The following SORCS3 variants were observed in gnomAD, a reference collection of about 807,000 sequenced individuals.
SORCS3 encodes the protein sortilin related VPS10 domain containing receptor 3.
SORCS3 carries 57 observed loss-of-function variants against 146.3 expected under a neutral mutation model. The ratio of observed to expected loss-of-function variants is 0.39; its 90% confidence interval spans 0.31 to 0.49. The LOEUF is 0.49. Ranked by LOEUF, SORCS3 falls within the 20% of genes least tolerant of loss-of-function variation. The probability of loss-of-function intolerance (pLI) is 0.92; values close to 1 mark genes in which losing one functional copy is unlikely to be tolerated. For missense variants in SORCS3, 1,341 were observed against 1,575.5 expected (o/e 0.85, Z 2.52); for synonymous variants, 653 against 618.5 (o/e 1.06, Z -0.83).
At chr10:104,727,770 C>G (rs2016655843) in intron 1 of SORCS3, among the ~76,000 whole-genome samples, 1 of 152,076 alleles carries the variant, frequency 6.6e-6, no homozygotes, top group Admixed American at 6.6e-5. Flanking sequence ...ACTGCCTAAG[C>G]TCTGCCTTCA....
chr10:104,777,570 A>G (rs2017324134), intron 1 of SORCS3, among the ~76,000 whole-genome samples: 1 of 152,190 alleles, frequency 6.6e-6, no homozygotes, highest in East Asian at 1.9e-4. Flanking sequence ...ATATTCAGAA[A>G]TGTCTGAAGA....
chr10:104,776,876 A>T (rs555518807), intron 1 of SORCS3, among the ~76,000 whole-genome samples: 1 of 139,366 alleles, frequency 7.2e-6, no homozygotes, highest in Non-Finnish European at 1.6e-5. Context: ...AGCAGCAGGG[A>T]AAAAAAAAAA....
intron 5 of SORCS3, 53 bp from the exon 6 acceptor site, chr10:105,089,722 C>A: frequency 6.8e-7 from 1 of 1,462,038 alleles, no homozygotes; most frequent in Non-Finnish European, 9.6e-7. Context: ...TCCCACTTTG[C>A]TGTCTGCTAT....
intron 1 of SORCS3, among the ~76,000 whole-genome samples, chr10:104,839,893 G>C (rs948432739): frequency 6.6e-6 from 1 of 152,158 alleles, no homozygotes; most frequent in Non-Finnish European, 1.5e-5. Flanking sequence ...AAGGAGATGG[G>C]TAAGGAAGGA....
chr10:105,054,202 C>A (rs541500374), intron 5 of SORCS3, among the ~76,000 whole-genome samples: 4 of 151,760 alleles, frequency 2.6e-5, no homozygotes, highest in African/African-American at 9.7e-5. Context: ...AATATTATAA[C>A]GTTTATTCTT....
Position 104,978,560 on chromosome 10 carries a change from G to A in SORCS3, c.954+1067G>A, listed in dbSNP as rs77202581. Reference sequence around the variant, plus strand: ...AATTGCAAAATTAGAAACCTAGGGAGTATCTTTAATATTTCCTTGTTCTAA... The same window carrying A: ...AATTGCAAAATTAGAAACCTAGGGAATATCTTTAATATTTCCTTGTTCTAA... On this transcript the variant is annotated intron_variant, in intron 4 of 26. Coordinates refer to ENST00000369701, the MANE Select transcript of SORCS3 (RefSeq NM_014978.3). Among the ~76,000 whole-genome samples the A allele has an allele frequency of 4.7e-4, 72 of 152,234 alleles. 1 individual carries two copies. In the East Asian group the frequency reaches 0.012, roughly 25 times the overall value.
At chr10:104,922,999 G>A (rs942596745) in intron 3 of SORCS3, among the ~76,000 whole-genome samples, 4 of 152,190 alleles carry the variant, frequency 2.6e-5, no homozygotes, top group African/African-American at 9.6e-5. Context: ...TCATTGTAGG[G>A]TAAGACCACT....
chr10:105,128,997 A>C (rs2055996452), intron 7 of SORCS3, among the ~76,000 whole-genome samples: 1 of 152,164 alleles, frequency 6.6e-6, no homozygotes, highest in African/African-American at 2.4e-5. Context: ...CATCTAATAA[A>C]TGATGGAGCT....
intron 14 of SORCS3, among the ~76,000 whole-genome samples, chr10:105,188,970 C>G (rs1003541008): frequency 6.6e-6 from 1 of 152,162 alleles, no homozygotes; most frequent in Non-Finnish European, 1.5e-5. Flanking sequence ...GCACGTTTAA[C>G]TATTTGCTTA....
In SORCS3 at chr10:104,668,027, G is replaced by C. The variant is rs17117534; in HGVS notation, c.627+26073G>C. 3.3e-3 allele frequency among the ~76,000 whole-genome samples: 498 copies of C among 152,248 alleles called. 3 individuals carry two copies. The highest frequency in any genetic ancestry group is 0.01 in the African/African-American group (423 of 41,538). On this transcript the variant is annotated intron_variant, in intron 1 of 26. Transcript: ENST00000369701. The stretch of plus-strand genomic sequence containing the variant: ...TGCCACTTGAGTTCAAGGCGCCTTC[G>C]TGGCACTCCTAGGATTTAAAGTGGG...
intron 4 of SORCS3, among the ~76,000 whole-genome samples, chr10:105,005,762 C>T (rs2055091421): frequency 1.3e-5 from 2 of 152,116 alleles, no homozygotes; most frequent in South Asian, 4.2e-4. Flanking sequence ...TCAGTTATAC[C>T]ACTTATTTGT....
intron 1 of SORCS3, among the ~76,000 whole-genome samples, chr10:104,788,044 G>A (rs2017457872): frequency 6.6e-6 from 1 of 152,126 alleles, no homozygotes; most frequent in Admixed American, 6.5e-5. Context: ...ACTCTACTTG[G>A]AGCCACTTCT....
intron 4 of SORCS3, among the ~76,000 whole-genome samples, chr10:104,982,618 TTA>T (rs978684386): frequency 6.6e-6 from 1 of 152,190 alleles, no homozygotes; most frequent in African/African-American, 2.4e-5. Context: ...TAAAAATGAT[TTA>T]TATATAATTT....
intron 2 of SORCS3, among the ~76,000 whole-genome samples, chr10:104,887,212 A>G (rs1411479021): frequency 6.6e-6 from 1 of 152,196 alleles, no homozygotes; most frequent in African/African-American, 2.4e-5. Context: ...CAGGATAAAA[A>G]ATGGTAATTG....
chr10:104,759,470 GTC>G (rs1404983670), intron 1 of SORCS3, among the ~76,000 whole-genome samples: 1 of 152,174 alleles, frequency 6.6e-6, no homozygotes, highest in Non-Finnish European at 1.5e-5. Context: ...AGAGGGACTT[GTC>G]TCTCTCTCAC....
chr10:104,712,198 A>G (rs775984411), intron 1 of SORCS3, among the ~76,000 whole-genome samples: 4 of 152,100 alleles, frequency 2.6e-5, no homozygotes, highest in Non-Finnish European at 5.9e-5. Flanking sequence ...GTGAAATATC[A>G]TTATTTCAGA....
At chr10:104,832,773 C>T (rs925573769) in intron 1 of SORCS3, among the ~76,000 whole-genome samples, 2 of 151,918 alleles carry the variant, frequency 1.3e-5, no homozygotes, top group African/African-American at 4.8e-5. Flanking sequence ...AGGTGTTTTG[C>T]CTCTTGGTGA....
intron 1 of SORCS3, among the ~76,000 whole-genome samples, chr10:104,771,829 G>A (rs993989429): frequency 2.6e-5 from 4 of 151,568 alleles, no homozygotes; most frequent in African/African-American, 9.7e-5. Flanking sequence ...GAAGGACGAT[G>A]GGGGAGGGAA....
intron 2 of SORCS3, among the ~76,000 whole-genome samples, chr10:104,862,999 T>A (rs77201367): frequency 0.041 from 6,207 of 152,302 alleles, 166 homozygotes; most frequent in Middle Eastern, 0.071. Flanking sequence ...TGGGGAAACA[T>A]CTGCTTGTTT....
Sources: allele counts gnomAD v4.1 joint callset (sites outside exome capture counted in the v4.1 genomes callset), GRCh38; gene constraint gnomAD v4.1.1; transcripts MANE v1.5; gene names NCBI Gene and HGNC (gene_info 2026-07-23, HGNC 2026-07-21).